LPA: variants seen among roughly 807,000 people sequenced by gnomAD.
LPA encodes the protein apolipoprotein(a).
A neutral mutation model predicts 197.9 loss-of-function variants in LPA; 199 were observed. That is an observed-to-expected ratio of 1.01 (90% CI 0.90 to 1.13). LPA has a LOEUF of 1.13. Ranked by LOEUF, LPA falls within the 50% of genes most tolerant of loss-of-function variation. LPA has a pLI of 0.00. For missense variants in LPA, 1,853 were observed against 1,785.8 expected (o/e 1.04, Z -0.68); for synonymous variants, 715 against 639.5 (o/e 1.12, Z -1.78).
At chr6:160,574,696 T>C (rs986366873) in intron 28 of LPA, among the ~76,000 whole-genome samples, 2 of 152,214 alleles carry the variant, frequency 1.3e-5, no homozygotes, top group Non-Finnish European at 2.9e-5. Flanking sequence ...GTGGGGTGTG[T>C]TTGAGGGAGT....
At chr6:160,593,517 A>C (rs1371659192) in intron 22 of LPA, among the ~76,000 whole-genome samples, 2 of 152,188 alleles carry the variant, frequency 1.3e-5, no homozygotes, top group Non-Finnish European at 2.9e-5. Flanking sequence ...AGGTTAGAGG[A>C]GAAAGTGATT....
chr6:160,648,963 G>C (rs1233802626), intron 2 of LPA, among the ~76,000 whole-genome samples: 2 of 152,136 alleles, frequency 1.3e-5, no homozygotes, highest in African/African-American at 2.4e-5. Flanking sequence ...GTGTAGTCAA[G>C]TTTTATATTT....
chr6:160,548,860 A>C (rs1323102323), intron 30 of LPA, among the ~76,000 whole-genome samples: 1 of 152,202 alleles, frequency 6.6e-6, no homozygotes, highest in African/African-American at 2.4e-5. Context: ...GATAATTTTT[A>C]TTTTAAAATA....
At position 160,557,475 on chromosome 6, in the gene LPA, C is replaced by G. The variant is rs1778284036; in HGVS notation, c.4728G>C (p.Leu1576=). The G allele has an allele frequency of 1.9e-6, 3 of 1,614,076 alleles. No homozygotes were observed. The highest frequency in any genetic ancestry group is 2.5e-6 in the Non-Finnish European group (3 of 1,179,990). The change falls in exon 29 of 39, where the codon CTG becomes CTC. Residue 1576 remains leucine, a synonymous_variant. Transcript: ENST00000316300. ...DPCVRWEYCN[L]TQCSETESGV... ...CTGATTCTGTTTCTGAGCATTGTGT[C>G]AGATTGCAGTACTCCCACCTCACAC... is the stretch of plus-strand genomic sequence containing the variant.
chr6:160,647,048 C>T (rs888442333), intron 2 of LPA, among the ~76,000 whole-genome samples: 2 of 152,184 alleles, frequency 1.3e-5, no homozygotes, highest in African/African-American at 2.4e-5. Context: ...CTTCTCAAAG[C>T]TGCCCTGGAA....
At chr6:160,608,200 G>C (rs746742629) in intron 16 of LPA, among the ~76,000 whole-genome samples, 1 of 152,106 alleles carries the variant, frequency 6.6e-6, no homozygotes, top group Non-Finnish European at 1.5e-5. Flanking sequence ...TTCCCTTCTT[G>C]TACTATTCTT....
chr6:160,595,976 G>T (rs1779125170), intron 20 of LPA, among the ~76,000 whole-genome samples: 1 of 152,120 alleles, frequency 6.6e-6, no homozygotes, highest in African/African-American at 2.4e-5. Flanking sequence ...CTTGTAGATT[G>T]TTTTATGCAC....
intron 18 of LPA, 34 bp from the exon 19 acceptor site, chr6:160,601,132 A>T (rs1562339484): frequency 6.3e-7 from 1 of 1,595,060 alleles, no homozygotes; most frequent in East Asian, 2.2e-5. Flanking sequence ...ATCACAAAAA[A>T]TGGGTACATA....
rs115852011 is a variant in LPA, at chr6:160,647,994, C to T, written c.210-1599G>A. 9.9e-3 allele frequency among the ~76,000 whole-genome samples: 1,512 copies of T among 152,274 alleles called. 28 individuals carry two copies. In the Middle Eastern group the frequency reaches 0.14, roughly 14 times the overall value. ...TTCCTTAGGGTCACCTCTTTTGTTACATAAGCCTGCTGATTCCAAAGTCTT... is the reference window on the plus strand; with the variant it reads ...TTCCTTAGGGTCACCTCTTTTGTTATATAAGCCTGCTGATTCCAAAGTCTT... On this transcript the variant is annotated intron_variant, in intron 2 of 38. Transcript: ENST00000316300.
chr6:160,538,860 C>T (rs779205112), intron 36 of LPA, among the ~76,000 whole-genome samples: 6 of 152,162 alleles, frequency 3.9e-5, no homozygotes, highest in Non-Finnish European at 8.8e-5. Flanking sequence ...CTCCAAAACC[C>T]CACATTTCCT....
In LPA at chr6:160,595,376, G is replaced by T. The variant is rs375772823; in HGVS notation, c.3447C>A (p.Ser1149Arg). The T allele has an allele frequency of 6.2e-6, 10 of 1,612,782 alleles. No individual in the cohort carries two copies. In the South Asian group the frequency reaches 8.8e-5, roughly 14 times the overall value. The change falls in exon 21 of 39, where the codon AGC (serine) becomes AGA (arginine). Residue 1149 changes from serine (S) to arginine (R), a missense_variant. By Grantham distance (110) the Ser-to-Arg change is moderately radical. Coordinates refer to ENST00000316300, the MANE Select transcript of LPA (RefSeq NM_005577.4). ...LATLTVVPDP[S>R]TEASSEEAPT... ...TACCTTCTTCAGAAGAAGCCTCTGT[G>T]CTTGGATCTGGGACCACCGTGAGAG...
chr6:160,597,190 C>T, intron 20 of LPA, among the ~76,000 whole-genome samples: 3 of 152,276 alleles, frequency 2.0e-5, no homozygotes, highest in Middle Eastern at 6.8e-3. Flanking sequence ...TTATTGAGAA[C>T]AAAGATACTA....
chr6:160,576,417 G>GGT (rs1778678811), intron 28 of LPA, among the ~76,000 whole-genome samples: 1 of 22,976 alleles, frequency 4.4e-5, no homozygotes, highest in Non-Finnish European at 7.5e-5. Flanking sequence ...TATATATATG[G>GGT]GTATATATAT....
chr6:160,595,251 C>G lies in LPA; in HGVS notation c.3469+103G>C. ...TGGCTGACCCTGAGTCCACATTCTA[C>G]TTGGAATTGTGTGAGCATGGAAGGC... is the stretch of plus-strand genomic sequence containing the variant. On this transcript the variant is annotated intron_variant, in intron 21 of 38. Coordinates refer to ENST00000316300, the MANE Select transcript of LPA (RefSeq NM_005577.4). 4.2e-6 allele frequency: 6 copies of G among 1,432,100 alleles called. No individual in the cohort carries two copies. In the South Asian group the frequency reaches 6.9e-5, roughly 16 times the overall value. 88.7% of individuals were successfully genotyped at this position (1,432,100 alleles called of 1,614,324 possible). A position where few individuals can be genotyped will look rare whatever the true frequency, so the allele number is the denominator to read the frequency against.
Position 160,654,088 on chromosome 6 carries a change from TA to T in LPA, c.50-3592del, listed in dbSNP as rs1562355099. The stretch of plus-strand genomic sequence containing the variant: ...TATTATATATAATATATATTATATA[TA>T]TTATATATAATATAATATATTATAT... On this transcript the variant is annotated intron_variant, in intron 1 of 38. Transcript: ENST00000316300. Among the ~76,000 whole-genome samples the T allele has an allele frequency of 1.1e-3, 41 of 36,118 alleles. 3 individuals carry two copies. Among genetic ancestry groups the T allele is most frequent in the African/African-American group, 4.5e-3 (39 of 8,726 alleles). The allele number at this position is 36,118 out of a possible 152,430, so 23.7% of individuals were successfully genotyped here.
intron 36 of LPA, among the ~76,000 whole-genome samples, chr6:160,539,761 G>A (rs1351027422): frequency 2.0e-5 from 3 of 152,198 alleles, no homozygotes; most frequent in Admixed American, 2.0e-4. Flanking sequence ...ACCTTTCCCT[G>A]ATCATGAATG....
chr6:160,656,083 G>A (rs1411510804), intron 1 of LPA, among the ~76,000 whole-genome samples: 2 of 152,148 alleles, frequency 1.3e-5, no homozygotes, highest in African/African-American at 4.8e-5. Flanking sequence ...AGCTGCAATT[G>A]GAGTCACCAC....
intron 37 of LPA, among the ~76,000 whole-genome samples, chr6:160,536,943 A>G (rs1777903892): frequency 6.6e-6 from 1 of 152,252 alleles, no homozygotes; most frequent in Non-Finnish European, 1.5e-5. Flanking sequence ...GCAAAGCACC[A>G]TTTGAAAATG....
intron 34 of LPA, among the ~76,000 whole-genome samples, chr6:160,541,920 T>A (rs1254366276): frequency 6.6e-6 from 1 of 152,128 alleles, no homozygotes; most frequent in Non-Finnish European, 1.5e-5. Context: ...CAGAGTGAAA[T>A]GCGATGCGAT....
Sources: gnomAD v4.1 joint callset for allele counts (sites outside exome capture counted in the v4.1 genomes callset) on GRCh38, gnomAD v4.1.1 for gene constraint, MANE v1.5 for transcripts, NCBI Gene and HGNC (gene_info 2026-07-23, HGNC 2026-07-21) for gene names.